Variants in EXD3 observed in about 807,000 individuals in gnomAD.
EXD3 encodes the protein exonuclease 3'-5' domain containing 3.
Under a neutral mutation model 98.0 loss-of-function variants are expected in EXD3, and 92 were observed. The ratio of observed to expected loss-of-function variants is 0.94; its 90% CI spans 0.79 to 1.12. The LOEUF (loss-of-function observed/expected upper bound fraction) is 1.12. Among genes scored for constraint, EXD3 ranks in the 50% most tolerant of loss-of-function variants. The pLI is 0.00. For missense variants in EXD3, 1,222 were observed against 1,191.6 expected (o/e 1.03, Z -0.38); for synonymous variants, 569 against 526.0 (o/e 1.08, Z -1.12).
At chr9:137,362,252 A>C (rs555609361) in intron 7 of EXD3, among the ~76,000 whole-genome samples, 1 of 152,214 alleles carries the variant, frequency 6.6e-6, no homozygotes, top group East Asian at 1.9e-4. Context: ...ACATGGATGC[A>C]AACATCCCTA....
At chr9:137,368,496 C>T (rs1645088627) in intron 5 of EXD3, among the ~76,000 whole-genome samples, 1 of 152,200 alleles carries the variant, frequency 6.6e-6, no homozygotes, top group South Asian at 2.1e-4. Flanking sequence ...GGGCACCCCG[C>T]GAGCGCTCCA....
chr9:137,322,047 G>T (rs1588240934), intron 19 of EXD3, among the ~76,000 whole-genome samples: 2 of 152,124 alleles, frequency 1.3e-5, no homozygotes. Context: ...GGGCTTTGGT[G>T]CCCCCACCAG....
At chr9:137,326,383 G>A (rs761732403) in intron 17 of EXD3, among the ~76,000 whole-genome samples, 17 of 152,154 alleles carry the variant, frequency 1.1e-4, no homozygotes, top group Non-Finnish European at 2.1e-4. Flanking sequence ...TTGAAGGGCA[G>A]GGCACGGTGC....
rs1007186644 is a variant in EXD3, at chr9:137,411,678, G to A, written c.-48+11436C>T. ...CAGCCCCGGGACCTGGAAAAGGAGC[G>A]GCAGGCGGAGGCGGGGGTGGGGGAG... On this transcript the variant is annotated intron_variant, in intron 1 of 21. Coordinates refer to ENST00000340951, the MANE Select transcript of EXD3 (RefSeq NM_017820.5). Among the ~76,000 whole-genome samples the A allele has an allele frequency of 7.5e-5, 11 of 145,922 alleles. No homozygotes were observed. In the South Asian group the frequency reaches 1.1e-3, roughly 15 times the overall value.
At chr9:137,382,113 C>T (rs931559551) in intron 3 of EXD3, among the ~76,000 whole-genome samples, 6 of 35,346 alleles carry the variant, frequency 1.7e-4, no homozygotes, top group Non-Finnish European at 2.9e-4. Flanking sequence ...GTCAGGGCGG[C>T]GGTGGAGGTG....
In EXD3 at chr9:137,385,320, A is replaced by C. The variant is rs1836532658; in HGVS notation, c.56-1943T>G. 6.6e-6 allele frequency among the ~76,000 whole-genome samples: 1 copy of C among 151,266 alleles called. No homozygotes were observed. Among genetic ancestry groups the C allele is most frequent in the Admixed American group, 6.6e-5 (1 of 15,208 alleles). On this transcript the variant is annotated intron_variant, in intron 2 of 21. Coordinates refer to ENST00000340951, the MANE Select transcript of EXD3 (RefSeq NM_017820.5). The surrounding 1 kb of genome is among the most constrained non-coding windows in gnomAD (Gnocchi z 4.4). ...CCGGGACGATGCCCAGGTGGGGAGG[A>C]CGTACCCCACCACGTGGCCATGGCA...
chr9:137,401,634 G>A (rs1837484817), intron 1 of EXD3, among the ~76,000 whole-genome samples: 1 of 152,230 alleles, frequency 6.6e-6, no homozygotes, highest in Non-Finnish European at 1.5e-5. Flanking sequence ...CGTGGAAGCT[G>A]CCAAGGCTTG....
intron 19 of EXD3, among the ~76,000 whole-genome samples, chr9:137,319,503 C>T (rs1831907875): frequency 6.6e-6 from 1 of 152,224 alleles, no homozygotes; most frequent in Non-Finnish European, 1.5e-5. Context: ...AGCACTGAGG[C>T]TGCAGTGCTG....
intron 17 of EXD3, among the ~76,000 whole-genome samples, chr9:137,336,651 C>T (rs1833367256): frequency 1.1e-5 from 1 of 92,086 alleles, no homozygotes; most frequent in Non-Finnish European, 2.2e-5. Flanking sequence ...AAGTGAGACT[C>T]CGTCTAAAAA....
At chr9:137,372,782 A>ACCTC (rs1835698115) in intron 5 of EXD3, 123 bp downstream of exon 5, 3 of 1,009,760 alleles carry the variant, frequency 3.0e-6, no homozygotes, top group African/African-American at 3.3e-5. Flanking sequence ...GGTCCTTGAT[A>ACCTC]CCTCCATGTA....
intron 2 of EXD3, among the ~76,000 whole-genome samples, chr9:137,390,397 A>T (rs1461496306): frequency 2.0e-5 from 3 of 151,118 alleles, no homozygotes; most frequent in South Asian, 2.1e-4. Flanking sequence ...GTGCCACTGC[A>T]CTCCAGCCTG....
intron 1 of EXD3, among the ~76,000 whole-genome samples, chr9:137,415,073 A>C (rs1301877490): frequency 6.6e-6 from 1 of 151,718 alleles, no homozygotes; most frequent in Non-Finnish European, 1.5e-5. Context: ...TTTTTAGTAG[A>C]GACGCGGTTT....
chr9:137,399,773 C>T (rs1837393404), intron 1 of EXD3, among the ~76,000 whole-genome samples: 1 of 152,182 alleles, frequency 6.6e-6, no homozygotes, highest in Non-Finnish European at 1.5e-5. Flanking sequence ...TACAGTGGCT[C>T]ACTCCTGTAA....
At chr9:137,374,765 T>C (rs1835810441) in intron 3 of EXD3, 1 of 985,480 alleles carries the variant, frequency 1.0e-6, no homozygotes, top group Non-Finnish European at 1.2e-6. Context: ...CTCGGGACTC[T>C]GGGAAGAAAA....
intron 17 of EXD3, among the ~76,000 whole-genome samples, chr9:137,339,496 C>CAAAAAAAAAAAAAAAAAAAAAAAAAAAAA (rs57029740): frequency 1.1e-5 from 1 of 92,698 alleles, no homozygotes; most frequent in Non-Finnish European, 2.3e-5. Context: ...GACGCCACTT[C>CAAAAAAAAAAAAAAAAAAAAAAAAAAAAA]AAAAAAAAAA....
intron 17 of EXD3, among the ~76,000 whole-genome samples, chr9:137,330,780 G>A (rs1833031740): frequency 6.6e-6 from 1 of 152,166 alleles, no homozygotes; most frequent in Non-Finnish European, 1.5e-5. Flanking sequence ...GAGCTTATTA[G>A]AAAGGAAAAA....
rs116575725 is a variant in EXD3 at position 137,349,521 on chromosome 9, G to A, written c.1505C>T (p.Ala502Val). 5.5e-3 allele frequency: 8,814 copies of A among 1,590,122 alleles called. 142 individuals are homozygous for A. The highest frequency in any genetic ancestry group is 0.05 in the African/African-American group (3,756 of 74,498). ...GTCCACGGCTGGGGCTGGCACGCTC[G>A]CCACCCGCATCTGCTAAGACAGTGC... ...LLLVHRQMRVASVPAPAVDRA... is the reference protein window; with the variant it reads ...LLLVHRQMRVVSVPAPAVDRA... Residue 502 changes from alanine to valine, a missense_variant, in exon 15 of 22, where the codon GCG becomes GTG. Ala to Val is a moderately conservative substitution (Grantham distance 64, BLOSUM62 0). Transcript: ENST00000340951. The surrounding 1 kb of genome is among the most constrained non-coding windows in gnomAD (Gnocchi z 7.4).
At chr9:137,366,140 C>A in intron 7 of EXD3, 1 of 699,650 alleles carries the variant, frequency 1.4e-6, no homozygotes, top group South Asian at 1.5e-5. Context: ...ACGTCACACA[C>A]CAAGTGCTTC....
At chr9:137,382,086 T>G (rs1336920280) in intron 3 of EXD3, among the ~76,000 whole-genome samples, 2 of 73,692 alleles carry the variant, frequency 2.7e-5, no homozygotes, top group African/African-American at 1.3e-4. Context: ...GCGGTGGAGG[T>G]CAGGGCGGCG....
Sources: allele counts gnomAD v4.1 joint callset (sites outside exome capture counted in the v4.1 genomes callset), GRCh38; gene constraint gnomAD v4.1.1; non-coding constraint Gnocchi (gnomAD v3.1); transcripts MANE v1.5; gene names NCBI Gene and HGNC (gene_info 2026-07-23, HGNC 2026-07-21).